Variants in SDAD1 observed in about 807,000 individuals in gnomAD.
SDAD1 encodes SDA1 domain containing 1.
A neutral mutation model predicts 100.3 loss-of-function variants in SDAD1; 79 were observed. The observed-to-expected ratio is 0.79, with a 90% CI of 0.66 to 0.95. SDAD1 has a LOEUF of 0.95. Among genes scored for constraint, SDAD1 ranks in the 40% least tolerant of loss-of-function variants. The probability of loss-of-function intolerance (pLI) is 0.00; values close to 1 mark genes in which losing one functional copy is unlikely to be tolerated. For missense variants in SDAD1, 790 were observed against 810.9 expected, an observed-to-expected ratio of 0.97 and a Z score of 0.31; for synonymous variants, 267 against 271.4, an observed-to-expected ratio of 0.98 and a Z score of 0.16.
chr4:75,981,851 G>T, intron 2 of SDAD1, 82 bp downstream of exon 2: 2 of 1,001,360 alleles, frequency 2.0e-6, no homozygotes, highest in South Asian at 1.5e-5. Flanking sequence ...TTCCAGAGTG[G>T]AATAAGGTTG....
At position 75,990,942 on chromosome 4, in the gene SDAD1, G is replaced by T. The variant is rs138471416; in HGVS notation, c.-101C>A. ...CTGCAGCTTGGACTCGTGTTTCCGG[G>T]TATGACCGGAAATAGCGCATGGGAC... On this transcript the variant is annotated 5_prime_UTR_variant, in exon 1 of 22. Transcript: ENST00000356260. 8.6e-4 allele frequency: 1,208 copies of T among 1,409,498 alleles called. 7 individuals are homozygous for T. In the African/African-American group the frequency reaches 0.015, roughly 18 times the overall value. 87.3% of individuals were successfully genotyped at this position (1,409,498 alleles called of 1,614,324 possible).
intron 20 of SDAD1, 50 bp downstream of exon 20, chr4:75,957,275 C>T (rs533126742): frequency 1.3e-6 from 2 of 1,500,362 alleles, no homozygotes; most frequent in African/African-American, 1.4e-5. Context: ...GCTTATGTTT[C>T]ATTTTATTTG....
In SDAD1 at chr4:75,961,371, G is replaced by A. The variant is rs1384738530; in HGVS notation, c.1182-63C>T. 9.2e-6 allele frequency: 11 copies of A among 1,193,332 alleles called. No homozygotes were observed. In the Admixed American group the frequency reaches 1.2e-4, roughly 12 times the overall value. 73.9% of individuals were successfully genotyped at this position (1,193,332 alleles called of 1,614,324 possible). ...AGCAATTTTTTCATGATTCAACACA[G>A]GAAGACTTCCTAAAAAGATTAACTC... On this transcript the variant is annotated intron_variant, in intron 14 of 21. Coordinates refer to ENST00000356260, the MANE Select transcript of SDAD1 (RefSeq NM_018115.4).
In SDAD1 at chr4:75,960,177, C is replaced by T. The variant is rs1347661094; in HGVS notation, c.1372G>A (p.Ala458Thr). ...TCTTGTACTCTTGCTTCTATGGAGG[C>T]CTCTGTAGGCTTACCCTAAAGGAAA... ...QKKFRGKPTE[A>T]SIEARVQEYG... Residue 458 changes from alanine to threonine, a missense_variant, in exon 17 of 22, where the codon GCC (alanine) becomes ACC (threonine). By Grantham distance (58) the Ala-to-Thr change is moderately conservative. Coordinates refer to ENST00000356260, the MANE Select transcript of SDAD1 (RefSeq NM_018115.4). The T allele has an allele frequency of 6.3e-7, 1 of 1,592,820 alleles. No homozygotes were observed. Among genetic ancestry groups the T allele is most frequent in the Non-Finnish European group, 8.5e-7 (1 of 1,173,422 alleles).
chr4:75,974,058 A>G lies in SDAD1; in HGVS notation c.636+18T>C, dbSNP rs1730015610. On this transcript the variant is annotated intron_variant, in intron 7 of 21. Transcript: ENST00000356260. ...CCATCCACAGACAGAGCTTACACAC[A>G]GCCCTATAGGTGCTCACCTTGGTGA... is the stretch of plus-strand genomic sequence containing the variant. The G allele has an allele frequency of 1.2e-6, 2 of 1,610,042 alleles. No homozygotes were observed. The highest frequency in any genetic ancestry group is 1.7e-6 in the Non-Finnish European group (2 of 1,176,516).
chr4:75,988,667 G>A (rs1731048394), intron 1 of SDAD1, among the ~76,000 whole-genome samples: 1 of 152,074 alleles, frequency 6.6e-6, no homozygotes, highest in Non-Finnish European at 1.5e-5. Context: ...TCAATATTAT[G>A]TAGTCCCAGG....
intron 1 of SDAD1, among the ~76,000 whole-genome samples, chr4:75,982,831 A>G (rs1414988561): frequency 6.8e-6 from 1 of 148,052 alleles, no homozygotes; most frequent in Non-Finnish European, 1.5e-5. Flanking sequence ...GTTCTGGTAT[A>G]CATGTGCAGA....
intron 4 of SDAD1, among the ~76,000 whole-genome samples, chr4:75,976,804 C>T (rs1730183003): frequency 6.6e-6 from 1 of 152,084 alleles, no homozygotes; most frequent in Admixed American, 6.5e-5. Context: ...ACTGTGAATG[C>T]ATATATCACT....
intron 1 of SDAD1, among the ~76,000 whole-genome samples, chr4:75,984,778 A>ACACACACACACACACACACAC (rs1730779567): frequency 1.6e-4 from 22 of 137,026 alleles, no homozygotes; most frequent in South Asian, 5.0e-4. Flanking sequence ...CACACACACA[A>ACACACACACACACACACACAC]ACACACACAC....
At chr4:75,964,396 T>C (rs980639844) in intron 13 of SDAD1, among the ~76,000 whole-genome samples, 185 bp from the exon 14 acceptor site, 5 of 152,258 alleles carry the variant, frequency 3.3e-5, no homozygotes, top group African/African-American at 1.2e-4. Context: ...TTCAGTGTTT[T>C]TCTTGGCTAT....
In SDAD1 at chr4:75,969,312, A is replaced by G; in HGVS notation, c.971T>C (p.Leu324Ser). The change falls in exon 11 of 22, where the codon TTG becomes TCG. Residue 324 changes from leucine to serine, a missense_variant. Leu to Ser is a moderately radical substitution (Grantham distance 145, BLOSUM62 -2). Coordinates refer to ENST00000356260, the MANE Select transcript of SDAD1 (RefSeq NM_018115.4). The part of the protein sequence containing the change: ...KMMLMNLISR[L>S]VGIHELFLFN... Reference sequence around the variant, plus strand: ...AATTCAAACCTCATGAATTCCCACCAATCTGGAGATAAGGTTCATGAGCAT... The same window carrying G: ...AATTCAAACCTCATGAATTCCCACCGATCTGGAGATAAGGTTCATGAGCAT... 1.2e-6 allele frequency: 2 copies of G among 1,611,490 alleles called. No homozygotes were observed. Among genetic ancestry groups the G allele is most frequent in the East Asian group, 2.2e-5 (1 of 44,838 alleles).
intron 21 of SDAD1, 115 bp downstream of exon 21, chr4:75,955,860 C>G: frequency 1.6e-6 from 2 of 1,223,208 alleles, no homozygotes; most frequent in Non-Finnish European, 2.3e-6. Context: ...CAACAATGCT[C>G]CCAAGACACA....
Position 75,990,806 on chromosome 4 carries a change from G to A in SDAD1, c.36C>T (p.Asn12=), listed in dbSNP as rs1731222876. The change falls in exon 1 of 22, where the codon AAC becomes AAT. Residue 12 remains asparagine, a synonymous_variant. Transcript: ENST00000356260. ...SNRNNNKLPS[N]LPQLQNLIKR... ...TGATTAGATTCTGTAACTGCGGCAG[G>A]TTGCTGGGAAGCTTGTTGTTGTTTC... is the stretch of plus-strand genomic sequence containing the variant. 1.2e-6 allele frequency: 2 copies of A among 1,614,176 alleles called. No homozygotes were observed. The highest frequency in any genetic ancestry group is 1.1e-5 in the South Asian group (1 of 91,086).
intron 12 of SDAD1, among the ~76,000 whole-genome samples, chr4:75,966,159 A>G (rs554329099): frequency 1.3e-5 from 2 of 152,276 alleles, no homozygotes; most frequent in Admixed American, 6.5e-5. Context: ...CTCCAGATGT[A>G]AGCCATGAGG....
intron 8 of SDAD1, among the ~76,000 whole-genome samples, chr4:75,971,938 T>TG (rs1729889288): frequency 8.4e-6 from 1 of 118,446 alleles, no homozygotes; most frequent in South Asian, 2.8e-4. Flanking sequence ...ACTGTAGCAC[T>TG]ATTTTTTTTT....
intron 12 of SDAD1, among the ~76,000 whole-genome samples, chr4:75,966,932 A>G (rs1396605438): frequency 2.0e-5 from 3 of 152,066 alleles, no homozygotes; most frequent in African/African-American, 7.2e-5. Context: ...ACATCCGGCT[A>G]ATTTTTGTAT....
At chr4:75,978,887 G>A (rs1282524134) in intron 3 of SDAD1, among the ~76,000 whole-genome samples, 3 of 148,958 alleles carry the variant, frequency 2.0e-5, no homozygotes, top group African/African-American at 7.4e-5. Flanking sequence ...GCTGAGGTGG[G>A]AGGACTGCTT....
At chr4:75,990,659 A>G (rs1252529348) in intron 1 of SDAD1, 93 bp downstream of exon 1, 1 of 1,604,022 alleles carries the variant, frequency 6.2e-7, no homozygotes. Flanking sequence ...ATAGGCGGCG[A>G]GCCTGGATCC....
At chr4:75,989,760 CTT>C in intron 1 of SDAD1, among the ~76,000 whole-genome samples, 1 of 152,232 alleles carries the variant, frequency 6.6e-6, no homozygotes, top group Non-Finnish European at 1.5e-5. Flanking sequence ...GTTTCCTACT[CTT>C]TATTTCCACT....
Sources: gnomAD v4.1 joint callset for allele counts (sites outside exome capture counted in the v4.1 genomes callset) on GRCh38, gnomAD v4.1.1 for gene constraint, MANE v1.5 for transcripts, NCBI Gene and HGNC (gene_info 2026-07-23, HGNC 2026-07-21) for gene names.